Variants in DOCK5 observed in about 807,000 individuals in gnomAD.
The protein encoded by DOCK5 is dedicator of cytokinesis 5, also known as dedicator of cytokinesis protein 5.
In DOCK5, 142 loss-of-function variants were observed where a neutral mutation model predicts 251.8. The ratio of observed to expected loss-of-function variants is 0.56; its 90% CI spans 0.49 to 0.65. DOCK5 has a LOEUF of 0.65. DOCK5 is among the 30% of genes least tolerant of loss of function. The pLI is 0.00. For synonymous variants in DOCK5, 842 were observed against 835.5 expected (o/e 1.01, Z -0.13); for missense variants, 2,111 against 2,312.3 (o/e 0.91, Z 1.79).
intron 1 of DOCK5, among the ~76,000 whole-genome samples, chr8:25,204,562 A>G (rs564265410): frequency 6.7e-4 from 102 of 152,364 alleles, no homozygotes; most frequent in African/African-American, 2.4e-3. Context: ...GCTAGGATCT[A>G]AAGTTGACAT....
chr8:25,190,194 T>A (rs1324508802), intron 1 of DOCK5, among the ~76,000 whole-genome samples: 1 of 152,214 alleles, frequency 6.6e-6, no homozygotes, highest in Non-Finnish European at 1.5e-5. Context: ...GCCCAGAATG[T>A]TTTTAAATGC....
Position 25,399,940 on chromosome 8 carries a change from G to A in DOCK5, c.4734G>A (p.Glu1578=). The change falls in exon 46 of 52, where the codon GAG becomes GAA. Residue 1578 remains glutamate (E), a synonymous_variant. Transcript: ENST00000276440. ...TTTTTACAGAAAAGTACTTGCAGGAGCATCCTGAAGACCAGGAGAAGGTTG... is the reference window on the plus strand; with the variant it reads ...TTTTTACAGAAAAGTACTTGCAGGAACATCCTGAAGACCAGGAGAAGGTTG... The part of the protein sequence containing the change: ...KAFFTEKYLQ[E]HPEDQEKVEL... The A allele has an allele frequency of 6.2e-7, 1 of 1,613,586 alleles. No individual in the cohort carries two copies. Among genetic ancestry groups the A allele is most frequent in the Non-Finnish European group, 8.5e-7 (1 of 1,179,746 alleles).
At chr8:25,222,593 C>A (rs1261107412) in intron 1 of DOCK5, among the ~76,000 whole-genome samples, 1 of 152,128 alleles carries the variant, frequency 6.6e-6, no homozygotes, top group African/African-American at 2.4e-5. Flanking sequence ...GGATGAAGAC[C>A]AGGAATCATA....
intron 2 of DOCK5, among the ~76,000 whole-genome samples, chr8:25,256,304 A>T (rs1803418770): frequency 6.6e-6 from 1 of 152,200 alleles, no homozygotes; most frequent in Non-Finnish European, 1.5e-5. Context: ...TTACATTACT[A>T]ACCTTGAATA....
chr8:25,254,773 C>CAAAAAAAAAAAAAA lies in DOCK5; in HGVS notation c.127+11025_127+11026insAAAAAAAAAAAAAA, dbSNP rs745860086. ...CTGGCGACAAAGCAAGACTTTGTCT[C>CAAAAAAAAAAAAAA]AAAAAAAAACAAAACAAAACAAAAA... On this transcript the variant is annotated intron_variant, in intron 2 of 51. Coordinates refer to ENST00000276440, the MANE Select transcript of DOCK5 (RefSeq NM_024940.8). Among the ~76,000 whole-genome samples, 2 of 6,566 alleles carry CAAAAAAAAAAAAAA rather than the reference C, an allele frequency of 3.0e-4. 1 individual carries two copies. The highest frequency in any genetic ancestry group is 5.7e-4 in the Non-Finnish European group (2 of 3,534). The allele number at this position is 6,566 out of a possible 152,430, so 4.3% of individuals were successfully genotyped here.
At chr8:25,277,399 T>A (rs1372957593) in intron 4 of DOCK5, 2 of 152,280 alleles carry the variant, frequency 1.3e-5, no homozygotes, top group Non-Finnish European at 2.9e-5. Context: ...TTGAAACTGT[T>A]GCTGGGTCAA....
At chr8:25,389,994 A>AT (rs1801228984) in intron 41 of DOCK5, among the ~76,000 whole-genome samples, 1 of 151,360 alleles carries the variant, frequency 6.6e-6, no homozygotes, top group Non-Finnish European at 1.5e-5. Flanking sequence ...CGAAAAAAAA[A>AT]AAAGGGCCCT....
At chr8:25,231,489 A>G (rs537003663) in intron 1 of DOCK5, among the ~76,000 whole-genome samples, 1 of 152,220 alleles carries the variant, frequency 6.6e-6, no homozygotes, top group African/African-American at 2.4e-5. Flanking sequence ...TTGTTGTAGT[A>G]TAGAGAAATA....
At chr8:25,320,046 A>G (rs1805381589) in intron 15 of DOCK5, among the ~76,000 whole-genome samples, 1 of 152,196 alleles carries the variant, frequency 6.6e-6, no homozygotes, top group African/African-American at 2.4e-5. Flanking sequence ...TGTATTACAC[A>G]TTCCAAAGTG....
intron 21 of DOCK5, among the ~76,000 whole-genome samples, chr8:25,335,414 G>A (rs1224984851): frequency 6.6e-6 from 1 of 151,778 alleles, no homozygotes; most frequent in Non-Finnish European, 1.5e-5. Context: ...TAATAATTCG[G>A]CCGAGTGCTT....
chr8:25,276,097 T>C (rs1804038724), intron 4 of DOCK5, among the ~76,000 whole-genome samples: 1 of 152,166 alleles, frequency 6.6e-6, no homozygotes, highest in Non-Finnish European at 1.5e-5. Context: ...CATGAACATT[T>C]GGGACTCTGA....
intron 4 of DOCK5, among the ~76,000 whole-genome samples, chr8:25,275,845 T>A (rs950585045): frequency 3.3e-5 from 5 of 151,676 alleles, no homozygotes; most frequent in Admixed American, 2.0e-4. Context: ...CAAAAAAAAA[T>A]AAAATTAAAA....
intron 22 of DOCK5, among the ~76,000 whole-genome samples, chr8:25,339,313 C>T (rs1392771979): frequency 6.6e-6 from 1 of 152,124 alleles, no homozygotes; most frequent in East Asian, 1.9e-4. Flanking sequence ...TGATCTTAAT[C>T]CCTTAGCCCC....
chr8:25,360,416 G>T (rs1451160038), intron 28 of DOCK5, among the ~76,000 whole-genome samples: 2 of 152,116 alleles, frequency 1.3e-5, no homozygotes, highest in African/African-American at 2.4e-5. Context: ...GGCGCAAGAG[G>T]CCCAGTATGG....
At chr8:25,336,013 A>G (rs574815362) in intron 21 of DOCK5, among the ~76,000 whole-genome samples, 1 of 152,354 alleles carries the variant, frequency 6.6e-6, no homozygotes, top group Admixed American at 6.5e-5. Context: ...AAGGGAAAGA[A>G]ACCTTTTCTA....
intron 1 of DOCK5, among the ~76,000 whole-genome samples, chr8:25,191,226 G>A (rs1484201555): frequency 2.6e-5 from 4 of 152,022 alleles, no homozygotes; most frequent in African/African-American, 9.7e-5. Context: ...TTATTGGCCT[G>A]TTTACATTCT....
In DOCK5 at chr8:25,304,478, C is replaced by A. The variant is rs150895849; in HGVS notation, c.1049+151C>A. 5.2e-3 allele frequency: 3,230 copies of A among 625,578 alleles called. 17 individuals carry two copies. The highest frequency in any genetic ancestry group is 0.025 in the Middle Eastern group (93 of 3,774). 38.8% of individuals were successfully genotyped at this position (625,578 alleles called of 1,614,324 possible). A position where few individuals can be genotyped will look rare whatever the true frequency, so the allele number is the denominator to read the frequency against. On this transcript the variant is annotated intron_variant, in intron 11 of 51. Coordinates refer to ENST00000276440, the MANE Select transcript of DOCK5 (RefSeq NM_024940.8). ...TGTCAGATAGGAGCTGAACAGAAGA[C>A]TTTATTCAAAGTCCTTGATGTTGGA...
At chr8:25,259,968 T>G (rs1471941168) in intron 2 of DOCK5, among the ~76,000 whole-genome samples, 1 of 152,208 alleles carries the variant, frequency 6.6e-6, no homozygotes, top group Non-Finnish European at 1.5e-5. Flanking sequence ...AAAGCCCCAG[T>G]GAGTTCCATG....
intron 3 of DOCK5, among the ~76,000 whole-genome samples, chr8:25,269,203 G>A (rs973031324): frequency 1.3e-5 from 2 of 152,150 alleles, no homozygotes; most frequent in Non-Finnish European, 2.9e-5. Context: ...GGGAGGGGTG[G>A]ACCCACCCTT....
Sources: gnomAD v4.1 joint callset for allele counts (sites outside exome capture counted in the v4.1 genomes callset) on GRCh38, gnomAD v4.1.1 for gene constraint, MANE v1.5 for transcripts, NCBI Gene and HGNC (gene_info 2026-07-23, HGNC 2026-07-21) for gene names.